Variants in HIP1 observed in about 807,000 individuals in gnomAD.
HIP1 encodes huntingtin-interacting protein 1.
A neutral mutation model predicts 147.6 loss-of-function variants in HIP1; 65 were observed. The ratio of observed to expected loss-of-function variants is 0.44; its 90% CI spans 0.36 to 0.54. The LOEUF (loss-of-function observed/expected upper bound fraction) is 0.54. HIP1 is among the 20% of genes least tolerant of loss of function. The pLI is 0.00. For synonymous variants in HIP1, 479 were observed against 504.0 expected (o/e 0.95, Z 0.67); for missense variants, 1,061 against 1,299.6 (o/e 0.82, Z 2.82).
intron 1 of HIP1, among the ~76,000 whole-genome samples, chr7:75,681,751 C>T (rs1800080527): frequency 1.3e-5 from 2 of 151,690 alleles, no homozygotes; most frequent in South Asian, 2.1e-4. Context: ...AAGCGATTCT[C>T]CCACCTCCCA....
intron 1 of HIP1, among the ~76,000 whole-genome samples, chr7:75,630,930 C>T (rs1233629451): frequency 1.3e-5 from 2 of 152,112 alleles, no homozygotes; most frequent in African/African-American, 2.4e-5. Context: ...TAAGCCCCTC[C>T]TATGTGCCAA....
At chr7:75,600,825 A>G (rs1796946582) in intron 1 of HIP1, among the ~76,000 whole-genome samples, 1 of 152,124 alleles carries the variant, frequency 6.6e-6, no homozygotes, top group Non-Finnish European at 1.5e-5. Context: ...CAGTGGCACA[A>G]TCATGGCTCA....
intron 1 of HIP1, among the ~76,000 whole-genome samples, chr7:75,714,835 A>G (rs188240639): frequency 1.8e-4 from 27 of 152,210 alleles, no homozygotes; most frequent in African/African-American, 4.6e-4. Context: ...TATACTACAC[A>G]ATGAATTTGG....
rs782416678 is a variant in HIP1 at position 75,535,002 on chromosome 7, T to C, written c.*3170A>G. On this transcript the variant is annotated 3_prime_UTR_variant, in exon 31 of 31. Transcript: ENST00000336926. ...CCAAGGTGTGTCATTAAATAGCTCT[T>C]CATCTTCATTTTTAGAAGAGTCACA... 13 of 207,650 alleles carry C rather than the reference T, an allele frequency of 6.3e-5. No homozygotes were observed. The highest frequency in any genetic ancestry group is 2.7e-4 in the African/African-American group (12 of 44,004). 12.9% of individuals were successfully genotyped at this position (207,650 alleles called of 1,614,324 possible).
At position 75,555,428 on chromosome 7, in the gene HIP1, C is replaced by A. The variant is rs782619030; in HGVS notation, c.1951G>T (p.Ala651Ser). 4 of 1,613,704 alleles carry A rather than the reference C, an allele frequency of 2.5e-6. No homozygotes were observed. Among genetic ancestry groups the A allele is most frequent in the East Asian group, 2.2e-5 (1 of 44,880 alleles). Residue 651 changes from alanine to serine, a missense_variant, in exon 19 of 31, where the codon GCT (alanine) becomes TCT (serine). Ala to Ser is a moderately conservative substitution (Grantham distance 99, BLOSUM62 1). Around this residue, in one of 3 missense-constraint regions of HIP1, gnomAD observed 810 missense variants for 946.8 expected, o/e 0.86. Transcript: ENST00000336926. ...ATTGCAAGTGTACCTGCAGACCCAG[C>A]GCAGCTGATGAGAGGAGGTTCTTCA... ...QLEEPPLISCAGSADHLLSTV... is the reference protein window; with the variant it reads ...QLEEPPLISCSGSADHLLSTV...
chr7:75,583,877 C>T (rs1384189227), intron 5 of HIP1, among the ~76,000 whole-genome samples: 1 of 151,608 alleles, frequency 6.6e-6, no homozygotes, highest in Non-Finnish European at 1.5e-5. Flanking sequence ...ATCCGCCCGC[C>T]TTGGCCTCCC....
intron 1 of HIP1, among the ~76,000 whole-genome samples, chr7:75,632,220 G>C (rs1798250187): frequency 6.6e-6 from 1 of 152,122 alleles, no homozygotes; most frequent in African/African-American, 2.4e-5. Context: ...GACAGACAAG[G>C]ACTCAGCCAT....
At chr7:75,645,352 G>A (rs1340187519) in intron 1 of HIP1, among the ~76,000 whole-genome samples, 4 of 151,822 alleles carry the variant, frequency 2.6e-5, no homozygotes, top group Admixed American at 6.6e-5. Flanking sequence ...TCAGCCTCCC[G>A]AGTAGCTGGG....
At chr7:75,567,781 C>T (rs587653065) in intron 9 of HIP1, among the ~76,000 whole-genome samples, 8 of 146,552 alleles carry the variant, frequency 5.5e-5, no homozygotes, top group Admixed American at 1.3e-4. Flanking sequence ...CACTCCAGCC[C>T]GAAGATAACC....
At chr7:75,572,656 C>A (rs1343864200) in intron 8 of HIP1, among the ~76,000 whole-genome samples, 1 of 152,212 alleles carries the variant, frequency 6.6e-6, no homozygotes, top group Non-Finnish European at 1.5e-5. Flanking sequence ...AGAAGCCTCA[C>A]CCTGCTGGAT....
At chr7:75,595,257 TTCCTTCCTTCCTTCCTTC>T (rs1796680657) in intron 2 of HIP1, among the ~76,000 whole-genome samples, 15 of 119,674 alleles carry the variant, frequency 1.3e-4, no homozygotes, top group East Asian at 4.4e-4. Flanking sequence ...TCTTTCTTCC[TTCCTTCCTTCCTTCCTTC>T]CTTCCTTCCT....
chr7:75,635,577 CAAAAAAAAAA>C (rs144914669), intron 1 of HIP1, among the ~76,000 whole-genome samples: 5 of 69,804 alleles, frequency 7.2e-5, no homozygotes, highest in African/African-American at 3.3e-4. Flanking sequence ...GACTCCATCT[CAAAAAAAAAA>C]AAAAAAAAAA....
At chr7:75,585,643 C>T (rs1005706117) in intron 5 of HIP1, among the ~76,000 whole-genome samples, 1 of 151,800 alleles carries the variant, frequency 6.6e-6, no homozygotes, top group Admixed American at 6.6e-5. Context: ...CAGCCCGACT[C>T]CCCGCCTCAG....
intron 1 of HIP1, among the ~76,000 whole-genome samples, chr7:75,648,664 G>A (rs969018527): frequency 6.6e-6 from 1 of 152,160 alleles, no homozygotes; most frequent in Non-Finnish European, 1.5e-5. Flanking sequence ...GGCTGCAGAG[G>A]TGAGCCAGGA....
chr7:75,560,953 ATTT>A (rs11438714), intron 13 of HIP1, among the ~76,000 whole-genome samples: 1 of 140,060 alleles, frequency 7.1e-6, no homozygotes, highest in Non-Finnish European at 1.5e-5. Context: ...AGGTGATGCA[ATTT>A]TTTTTTTTTT....
At chr7:75,664,997 G>C (rs1799511009) in intron 1 of HIP1, among the ~76,000 whole-genome samples, 1 of 152,106 alleles carries the variant, frequency 6.6e-6, no homozygotes. Context: ...TGGTTGGCTG[G>C]GTTTGGTGGT....
chr7:75,673,516 G>A (rs145464595), intron 1 of HIP1, among the ~76,000 whole-genome samples: 177 of 152,166 alleles, frequency 1.2e-3, no homozygotes, highest in African/African-American at 3.9e-3. Flanking sequence ...AACATAAAAT[G>A]TCTTTCCATT....
chr7:75,601,396 C>T (rs1306129339), intron 1 of HIP1, among the ~76,000 whole-genome samples: 2 of 151,908 alleles, frequency 1.3e-5, no homozygotes, highest in Non-Finnish European at 2.9e-5. Context: ...TGAGACCAGC[C>T]TGGCCAACAT....
intron 22 of HIP1, 139 bp from the exon 23 acceptor site, chr7:75,549,140 G>T: frequency 1.7e-6 from 1 of 581,490 alleles, no homozygotes. Flanking sequence ...TTGTGGGGGG[G>T]TCTTTTGCAG....
Sources: allele counts gnomAD v4.1 joint callset (sites outside exome capture counted in the v4.1 genomes callset), GRCh38; gene constraint gnomAD v4.1.1; regional missense constraint gnomAD v4.1.1; transcripts MANE v1.5; gene names NCBI Gene and HGNC (gene_info 2026-07-23, HGNC 2026-07-21).